Variants in FOXD1 observed in about 807,000 individuals in gnomAD.
FOXD1 encodes forkhead box D1.
FOXD1 carries 4 observed loss-of-function variants against 2.0 expected under a neutral mutation model. The ratio of observed to expected loss-of-function variants is 2.03; its 90% CI spans 1.00 to 4.64. The LOEUF (loss-of-function observed/expected upper bound fraction) is 4.64. Ranked by LOEUF, FOXD1 falls within the 30% of genes most tolerant of loss-of-function variation. The pLI is 0.01. For synonymous variants in FOXD1, 354 were observed against 328.5 expected, an observed-to-expected ratio of 1.08 and a Z score of -0.84; for missense variants, 586 against 647.6, an observed-to-expected ratio of 0.90 and a Z score of 1.03.
At position 73,447,351 on chromosome 5, in the gene FOXD1, G is replaced by A; in HGVS notation, c.1012C>T (p.Leu338=). ...GYRPHPLGAA[L]PGPLPASAAK... is the part of the protein sequence containing the mutation. ...GCGGAGGCCGGCAGGGGGCCGGGTA[G>A]GGCGGCGCCGAGCGGGTGCGGCCGG... The change falls in exon 1 of 1, where the codon CTA becomes TTA. Residue 338 remains leucine, a synonymous_variant. Coordinates refer to ENST00000615637, the MANE Select transcript of FOXD1 (RefSeq NM_004472.3). The surrounding 1 kb of genome is among the most constrained non-coding windows in gnomAD (Gnocchi z 7.8). 3.1e-6 allele frequency: 3 copies of A among 983,488 alleles called. No homozygotes were observed. Among genetic ancestry groups the A allele is most frequent in the Non-Finnish European group, 3.6e-6 (3 of 830,032 alleles). The allele number at this position is 983,488 out of a possible 1,614,324, so 60.9% of individuals were successfully genotyped here.
In FOXD1 at chr5:73,448,397, G is replaced by C; in HGVS notation, c.-35C>G. The C allele has an allele frequency of 8.6e-7, 1 of 1,168,218 alleles. No individual in the cohort carries two copies. 72.4% of individuals were successfully genotyped at this position (1,168,218 alleles called of 1,614,324 possible). A position where few individuals can be genotyped will look rare whatever the true frequency, so the allele number is the denominator to read the frequency against. On this transcript the variant is annotated 5_prime_UTR_variant, in exon 1 of 1. Coordinates refer to ENST00000615637, the MANE Select transcript of FOXD1 (RefSeq NM_004472.3). ...GCGGCGGCGGCGGGGCGGCGCATGG[G>C]GGCGCCGGGCTCCGGGCTCCCTCTG...
rs1745510316 is a variant in FOXD1, at chr5:73,447,019, T to C, written c.1344A>G (p.Gln448=). 1 of 1,547,480 alleles carries C rather than the reference T, an allele frequency of 6.5e-7. No individual in the cohort carries two copies. The highest frequency in any genetic ancestry group is 8.7e-7 in the Non-Finnish European group (1 of 1,145,370). ...SSSAALGTLH[Q]GTALSSVENF... ...TCTCGACACTGGACAGGGCAGTCCC[T>C]TGGTGCAGAGTCCCCAAGGCGGCGG... Residue 448 remains glutamine, a synonymous_variant, in exon 1 of 1, where the codon CAA becomes CAG. Transcript: ENST00000615637. This position sits in a 1 kb window ranked among gnomAD's most constrained non-coding sequence, Gnocchi z 7.8.
rs1179084083 is a variant in FOXD1, at chr5:73,447,463, GGCGGCGGCGGCCGCT to G, written c.885_899del (p.Ala299_Ala303del). The G allele has an allele frequency of 1.1e-5, 11 of 992,328 alleles. No individual in the cohort carries two copies. Among genetic ancestry groups the G allele is most frequent in the South Asian group, 9.0e-5 (2 of 22,202 alleles). The allele number at this position is 992,328 out of a possible 1,614,324, so 61.5% of individuals were successfully genotyped here. On this transcript the variant is annotated inframe_deletion, in exon 1 of 1. Transcript: ENST00000615637. The surrounding 1 kb of genome is among the most constrained non-coding windows in gnomAD (Gnocchi z 7.8). ...GCGAGTGCGGGTGGAAGGCGGCGGCGGCGGCGGCGGCCGCTGCGGCGGCGAAGAGGGCCGAGGGCG... is the reference window on the plus strand; with the variant it reads ...GCGAGTGCGGGTGGAAGGCGGCGGCGGCGGCGGCGAAGAGGGCCGAGGGCG...
In FOXD1 at chr5:73,447,669, C is replaced by G; in HGVS notation, c.694G>C (p.Ala232Pro). 1 of 1,581,106 alleles carries G rather than the reference C, an allele frequency of 6.3e-7. No individual in the cohort carries two copies. The change falls in exon 1 of 1, where the codon GCG becomes CCG. Residue 232 changes from alanine (A) to proline (P), a missense_variant. Coordinates refer to ENST00000615637, the MANE Select transcript of FOXD1 (RefSeq NM_004472.3). The surrounding 1 kb of genome is among the most constrained non-coding windows in gnomAD (Gnocchi z 7.8). ...CGCAGCAGCAGAGACTCGGCGGCCG[C>G]GGCGTTGGGTGGGAGCAGCGGCTGC... Reference protein sequence around the residue: ...KRQPLLPPNAAAAESLLLRGA... With the variant: ...KRQPLLPPNAPAAESLLLRGA...
rs1468105957 is a variant in FOXD1, at chr5:73,446,664, G to C, written c.*301C>G. 2 of 328,080 alleles carry C rather than the reference G, an allele frequency of 6.1e-6. No homozygotes were observed. The highest frequency in any genetic ancestry group is 1.1e-5 in the Non-Finnish European group (2 of 175,966). 20.3% of individuals were successfully genotyped at this position (328,080 alleles called of 1,614,324 possible). On this transcript the variant is annotated 3_prime_UTR_variant, in exon 1 of 1. Coordinates refer to ENST00000615637, the MANE Select transcript of FOXD1 (RefSeq NM_004472.3). Reference sequence around the variant, plus strand: ...TTGTTTTTCATCTGCCAAACGTCAAGGGAGCCTCTAGTGCCTGGACAGGGC... The same window carrying C: ...TTGTTTTTCATCTGCCAAACGTCAACGGAGCCTCTAGTGCCTGGACAGGGC...
rs1447456716 is a variant in FOXD1 at position 73,446,982 on chromosome 5, T to C, written c.1381A>G (p.Arg461Gly). 3.2e-6 allele frequency: 5 copies of C among 1,545,388 alleles called. No individual in the cohort carries two copies. The South Asian group carries it at 6.0e-5, about 18-fold the overall frequency. The change falls in exon 1 of 1, where the codon AGG becomes GGG. Residue 461 changes from arginine (R) to glycine (G), a missense_variant. Physicochemically the swap from Arg to Gly is moderately radical, Grantham distance 125. Coordinates refer to ENST00000615637, the MANE Select transcript of FOXD1 (RefSeq NM_004472.3). ...ALSSVENFTA[R>G]ISNC ...TAGCGTTATTAACAATTGGAAATCC[T>C]AGCAGTAAAGTTCTCGACACTGGAC...
rs1745544719 is a variant in FOXD1, at chr5:73,448,135, GTCA to G, written c.225_227del (p.Asp76del). Reference sequence around the variant, plus strand: ...CCCCAGCAGGCGGGGCCAGCAGGATGTCATCGTCGTCCTCCTCCTCCTCCAGAT... The same window carrying G: ...CCCCAGCAGGCGGGGCCAGCAGGATGTCGTCGTCCTCCTCCTCCTCCAGAT... On this transcript the variant is annotated inframe_deletion, in exon 1 of 1. Transcript: ENST00000615637. 1.5e-6 allele frequency: 2 copies of G among 1,370,752 alleles called. No homozygotes were observed. Among genetic ancestry groups the G allele is most frequent in the Non-Finnish European group, 1.9e-6 (2 of 1,053,858 alleles). The allele number at this position is 1,370,752 out of a possible 1,614,324, so 84.9% of individuals were successfully genotyped here.
chr5:73,446,782 C>A lies in FOXD1; in HGVS notation c.*183G>T, dbSNP rs1007488137. 1.7e-6 allele frequency: 1 copy of A among 590,492 alleles called. No individual in the cohort carries two copies. The highest frequency in any genetic ancestry group is 3.0e-6 in the Non-Finnish European group (1 of 332,228). 36.6% of individuals were successfully genotyped at this position (590,492 alleles called of 1,614,324 possible). A position where few individuals can be genotyped will look rare whatever the true frequency, so the allele number is the denominator to read the frequency against. ...TCGGCTTTGCATAAATAGAGGGACC[C>A]GCAGAGCCAAAAGGCGCGCCCGGGC... On this transcript the variant is annotated 3_prime_UTR_variant, in exon 1 of 1. Transcript: ENST00000615637.
rs1745515197 is a variant in FOXD1, at chr5:73,447,201, C to T, written c.1162G>A (p.Ala388Thr). 1 of 991,212 alleles carries T rather than the reference C, an allele frequency of 1.0e-6. No individual in the cohort carries two copies. Among genetic ancestry groups the T allele is most frequent in the Non-Finnish European group, 1.2e-6 (1 of 836,740 alleles). The allele number at this position is 991,212 out of a possible 1,614,324, so 61.4% of individuals were successfully genotyped here. ...AAAAAQAAAAAQASPSPSPVA... is the reference protein window; with the variant it reads ...AAAAAQAAAATQASPSPSPVA... ...GGCGAGGGCGAGGGCGAGGCCTGAGCGGCGGCGGCGGCCTGCGCGGCGGCG... is the reference window on the plus strand; with the variant it reads ...GGCGAGGGCGAGGGCGAGGCCTGAGTGGCGGCGGCGGCCTGCGCGGCGGCG... The change falls in exon 1 of 1, where the codon GCT (alanine) becomes ACT (threonine). Residue 388 changes from alanine to threonine, a missense_variant. Around this residue, in one of 4 missense-constraint regions of FOXD1, gnomAD observed 253 missense variants for 234.4 expected, o/e 1.08. Coordinates refer to ENST00000615637, the MANE Select transcript of FOXD1 (RefSeq NM_004472.3). The surrounding 1 kb of genome is among the most constrained non-coding windows in gnomAD (Gnocchi z 7.8).
rs1745535872 is a variant in FOXD1 at position 73,447,820 on chromosome 5, G to A, written c.543C>T (p.Asp181=). 1.2e-6 allele frequency: 2 copies of A among 1,611,328 alleles called. No individual in the cohort carries two copies. Among genetic ancestry groups the A allele is most frequent in the Non-Finnish European group, 1.7e-6 (2 of 1,178,716 alleles). Reference sequence around the variant, plus strand: ...GCTCGCGGGGGATCTTGACGAAGCAGTCGTTGAGCGAGAGGTTGTGGCGGA... The same window carrying A: ...GCTCGCGGGGGATCTTGACGAAGCAATCGTTGAGCGAGAGGTTGTGGCGGA... The part of the protein sequence containing the change: ...NSIRHNLSLN[D]CFVKIPREPG... Residue 181 remains aspartate (D), a synonymous_variant, in exon 1 of 1, where the codon GAC becomes GAT. Coordinates refer to ENST00000615637, the MANE Select transcript of FOXD1 (RefSeq NM_004472.3). The surrounding 1 kb of genome is among the most constrained non-coding windows in gnomAD (Gnocchi z 7.8).
Position 73,447,613 on chromosome 5 carries a change from G to A in FOXD1, c.750C>T (p.Asp250=). The A allele has an allele frequency of 8.1e-7, 1 of 1,239,086 alleles. No individual in the cohort carries two copies. The highest frequency in any genetic ancestry group is 1.6e-5 in the African/African-American group (1 of 63,294). The allele number at this position is 1,239,086 out of a possible 1,614,324, so 76.8% of individuals were successfully genotyped here. Residue 250 remains aspartate, a synonymous_variant, in exon 1 of 1, where the codon GAC becomes GAT. Coordinates refer to ENST00000615637, the MANE Select transcript of FOXD1 (RefSeq NM_004472.3). The surrounding 1 kb of genome is among the most constrained non-coding windows in gnomAD (Gnocchi z 7.8). The stretch of plus-strand genomic sequence containing the variant: ...GGAAGAGCGCGGCGGCGGCTGCCGG[G>A]TCGCCCGCGCCCCCTGCGGCTCCCG... ...RGAGAAGGAG[D]PAAAAALFPP...
rs769046092 is a variant in FOXD1 at position 73,448,051 on chromosome 5, G to A, written c.312C>T (p.Gly104=). 8 of 1,234,278 alleles carry A rather than the reference G, an allele frequency of 6.5e-6. No individual in the cohort carries two copies. The South Asian group carries it at 1.5e-4, about 22-fold the overall frequency. The allele number at this position is 1,234,278 out of a possible 1,614,324, so 76.5% of individuals were successfully genotyped here. A position where few individuals can be genotyped will look rare whatever the true frequency, so the allele number is the denominator to read the frequency against. Reference sequence around the variant, plus strand: ...CGCCGCCGCCCGCGCCGCCGCCGCCGCCGCCCCCACCGGCTCCTGCCCCCG... The same window carrying A: ...CGCCGCCGCCCGCGCCGCCGCCGCCACCGCCCCCACCGGCTCCTGCCCCCG... ...PAAGAGAGGG[G]GGGGAGGGGS... The change falls in exon 1 of 1, where the codon GGC becomes GGT. Residue 104 remains glycine (G), a synonymous_variant. Coordinates refer to ENST00000615637, the MANE Select transcript of FOXD1 (RefSeq NM_004472.3).
At position 73,447,302 on chromosome 5, in the gene FOXD1, G is replaced by A. The variant is rs1454094016; in HGVS notation, c.1061C>T (p.Ala354Val). 1.8e-5 allele frequency: 18 copies of A among 985,092 alleles called. No individual in the cohort carries two copies. Among genetic ancestry groups the A allele is most frequent in the African/African-American group, 8.8e-5 (5 of 56,724 alleles). The allele number at this position is 985,092 out of a possible 1,614,324, so 61.0% of individuals were successfully genotyped here. A position where few individuals can be genotyped will look rare whatever the true frequency, so the allele number is the denominator to read the frequency against. Residue 354 changes from alanine to valine, a missense_variant, in exon 1 of 1, where the codon GCC becomes GTC. Physicochemically the swap from Ala to Val is moderately conservative, Grantham distance 64. Coordinates refer to ENST00000615637, the MANE Select transcript of FOXD1 (RefSeq NM_004472.3). The surrounding 1 kb of genome is among the most constrained non-coding windows in gnomAD (Gnocchi z 7.8). ...GAAGGGCGAGCGCGCCAGCGCTGAG[G>A]CGCCCGGGCCGCCCGCCTTGGCCGC... ...ASAAKAGGPG[A>V]SALARSPFSI...
Position 73,447,244 on chromosome 5 carries a change from G to A in FOXD1, c.1119C>T (p.Gly373=). ...CGGCGGCGGCGGCAGCGGCGGCCGG[G>A]CCCAAGCTGCCCCCGATGATGCTCT... ...SIESIIGGSL[G]PAAAAAAAAQ... The change falls in exon 1 of 1, where the codon GGC becomes GGT. Residue 373 remains glycine (G), a synonymous_variant. Transcript: ENST00000615637. The surrounding 1 kb of genome is among the most constrained non-coding windows in gnomAD (Gnocchi z 7.8). 9 of 991,344 alleles carry A rather than the reference G, an allele frequency of 9.1e-6. No homozygotes were observed. The highest frequency in any genetic ancestry group is 1.1e-5 in the Non-Finnish European group (9 of 837,078). The allele number at this position is 991,344 out of a possible 1,614,324, so 61.4% of individuals were successfully genotyped here. A position where few individuals can be genotyped will look rare whatever the true frequency, so the allele number is the denominator to read the frequency against.
chr5:73,447,747 C>A lies in FOXD1; in HGVS notation c.616G>T (p.Ala206Ser). ...GNYWTLDPES[A>S]DMFDNGSFLR... ...AAGCTGCCGTTGTCGAACATGTCGG[C>A]GGACTCCGGGTCCAGCGTCCAGTAG... Residue 206 changes from alanine to serine, a missense_variant, in exon 1 of 1, where the codon GCC (alanine) becomes TCC (serine). By Grantham distance (99) the Ala-to-Ser change is moderately conservative (BLOSUM62 1). Around this residue, in one of 4 missense-constraint regions of FOXD1, gnomAD observed 104 missense variants for 175.4 expected, o/e 0.59. Transcript: ENST00000615637. The surrounding 1 kb of genome is among the most constrained non-coding windows in gnomAD (Gnocchi z 7.8). 1 of 1,611,090 alleles carries A rather than the reference C, an allele frequency of 6.2e-7. No individual in the cohort carries two copies. The highest frequency in any genetic ancestry group is 8.5e-7 in the Non-Finnish European group (1 of 1,178,680).
rs1418153495 is a variant in FOXD1, at chr5:73,446,388, C to CA, written c.*576dup. ...CCTTGTAAAGAATACGCAGTAAGTA[C>CA]AAAAAAATCCACACGTCTGTTATGA... On this transcript the variant is annotated 3_prime_UTR_variant, in exon 1 of 1. Transcript: ENST00000615637. 3.9e-5 allele frequency: 6 copies of CA among 152,574 alleles called. No homozygotes were observed. The East Asian group carries it at 1.2e-3, about 29-fold the overall frequency. 9.5% of individuals were successfully genotyped at this position (152,574 alleles called of 1,614,324 possible).
rs1012513832 is a variant in FOXD1, at chr5:73,448,727, G to C, written c.-365C>G. 1.9e-3 allele frequency among the ~76,000 whole-genome samples: 293 copies of C among 151,764 alleles called. 4 individuals are homozygous for C. Among genetic ancestry groups the C allele is most frequent in the Non-Finnish European group, 2.9e-4 (20 of 67,870 alleles). On this transcript the variant is annotated 5_prime_UTR_variant, in exon 1 of 1. Transcript: ENST00000615637. ...GAACGCCAGGCGCCCAGGAACGTGC[G>C]GGACGGGTGAGAGTCTAAGAACAGA...
At position 73,448,174 on chromosome 5, in the gene FOXD1, G is replaced by T; in HGVS notation, c.189C>A (p.Asp63Glu). Residue 63 changes from aspartate (D) to glutamate (E), a missense_variant, in exon 1 of 1, where the codon GAC (aspartate) becomes GAA (glutamate). Transcript: ENST00000615637. ...CCTCCTCCTCCAGATCCTCCAGCTC[G>T]TCCTCCCCGGCGTACGAGCGCCGCC... ...RRRRRSYAGE[D>E]ELEDLEEEED... is the part of the protein sequence containing the mutation. 6.9e-7 allele frequency: 1 copy of T among 1,441,404 alleles called. No homozygotes were observed. Among genetic ancestry groups the T allele is most frequent in the Non-Finnish European group, 9.2e-7 (1 of 1,090,792 alleles). The allele number at this position is 1,441,404 out of a possible 1,614,324, so 89.3% of individuals were successfully genotyped here. A position where few individuals can be genotyped will look rare whatever the true frequency, so the allele number is the denominator to read the frequency against.
chr5:73,448,094 G>C lies in FOXD1; in HGVS notation c.269C>G (p.Pro90Arg). The C allele has an allele frequency of 2.6e-6, 3 of 1,141,364 alleles. No homozygotes were observed. The highest frequency in any genetic ancestry group is 3.2e-6 in the Non-Finnish European group (3 of 929,890). 70.7% of individuals were successfully genotyped at this position (1,141,364 alleles called of 1,614,324 possible). Residue 90 changes from proline (P) to arginine (R), a missense_variant, in exon 1 of 1, where the codon CCG becomes CGG. Pro to Arg is a moderately radical substitution (Grantham distance 103). This residue lies in a region of FOXD1 where 183 missense variants were observed against 159.2 expected (regional missense o/e 1.15). Coordinates refer to ENST00000615637, the MANE Select transcript of FOXD1 (RefSeq NM_004472.3). ...APPAGGSPAP[P>R]GPAPAAGAGA... The stretch of plus-strand genomic sequence containing the variant: ...TGCCCCCGCCGCCGGGGCCGGGCCC[G>C]GGGGCGCCGGGGAGCCCCCAGCAGG...
Sources: gnomAD v4.1 joint callset for allele counts (sites outside exome capture counted in the v4.1 genomes callset) on GRCh38, gnomAD v4.1.1 for gene constraint, gnomAD v4.1.1 regional missense constraint, Gnocchi (gnomAD v3.1) non-coding constraint, MANE v1.5 for transcripts, NCBI Gene and HGNC (gene_info 2026-07-23, HGNC 2026-07-21) for gene names.